ZBTB7C: variants seen among roughly 807,000 people sequenced by gnomAD.
ZBTB7C encodes the protein zinc finger and BTB domain-containing protein 7C.
In ZBTB7C, 8 loss-of-function variants were observed where a neutral mutation model predicts 25.7. The observed-to-expected ratio is 0.31, with a 90% confidence interval of 0.18 to 0.56. ZBTB7C has a LOEUF of 0.56. Ranked by LOEUF, ZBTB7C falls within the 20% of genes least tolerant of loss-of-function variation. The probability of loss-of-function intolerance (pLI) is 0.91; values close to 1 mark genes in which losing one functional copy is unlikely to be tolerated. For synonymous variants in ZBTB7C, 394 were observed against 369.0 expected, an observed-to-expected ratio of 1.07 and a Z score of -0.78; for missense variants, 824 against 855.2, an observed-to-expected ratio of 0.96 and a Z score of 0.46.
intron 3 of ZBTB7C, among the ~76,000 whole-genome samples, chr18:48,051,893 TTTAA>T (rs1312148334): frequency 1.3e-5 from 2 of 152,148 alleles, no homozygotes; most frequent in Non-Finnish European, 2.9e-5. Flanking sequence ...GCTGTTGTTC[TTTAA>T]TTATTTTTTC....
intron 2 of ZBTB7C, among the ~76,000 whole-genome samples, chr18:48,197,242 AT>A (rs1319961660): frequency 0.23 from 934 of 4,062 alleles, 15 homozygotes; most frequent in Admixed American, 0.41. Flanking sequence ...GCTCCTGAAG[AT>A]CATCCTGCCT....
intron 3 of ZBTB7C, chr18:48,149,802 CTTCT>C (rs1415808536): frequency 4.8e-5 from 6 of 124,352 alleles, no homozygotes; most frequent in African/African-American, 1.4e-4. Context: ...TCTTCTTCTT[CTTCT>C]TTTTTTTTTT....
intron 3 of ZBTB7C, among the ~76,000 whole-genome samples, chr18:48,065,474 A>C (rs2037294400): frequency 6.6e-6 from 1 of 152,242 alleles, no homozygotes; most frequent in Non-Finnish European, 1.5e-5. Flanking sequence ...ATCCTGCAGA[A>C]CTGGTGTGAC....
intron 2 of ZBTB7C, among the ~76,000 whole-genome samples, chr18:48,229,492 C>G (rs372091404): frequency 3.9e-5 from 6 of 152,232 alleles, no homozygotes; most frequent in African/African-American, 1.2e-4. Context: ...ATCCCCATTT[C>G]CTTTAATACT....
At chr18:48,280,848 C>CTTTT (rs55760047) in intron 2 of ZBTB7C, among the ~76,000 whole-genome samples, 14 of 79,914 alleles carry the variant, frequency 1.8e-4, no homozygotes, top group African/African-American at 4.3e-4. Context: ...TTTTCTCTCT[C>CTTTT]TTTTTTTTTT....
intron 3 of ZBTB7C, among the ~76,000 whole-genome samples, chr18:48,172,162 G>A (rs1204769145): frequency 6.6e-6 from 1 of 152,214 alleles, no homozygotes; most frequent in African/African-American, 2.4e-5. Context: ...TTTGAGAAAG[G>A]TATCTGGGAA....
chr18:48,077,529 T>C (rs1217468371), intron 3 of ZBTB7C, among the ~76,000 whole-genome samples: 1 of 152,188 alleles, frequency 6.6e-6, no homozygotes, highest in Non-Finnish European at 1.5e-5. Context: ...GTACAGGGCC[T>C]GGCATGGAGC....
At chr18:48,408,719 G>T (rs1237623026) in intron 1 of ZBTB7C, 1 of 152,114 alleles carries the variant, frequency 6.6e-6, no homozygotes. Context: ...GCAGAAGTGC[G>T]GTAAAACTTT....
chr18:48,334,248 C>T (rs78101635), intron 2 of ZBTB7C, among the ~76,000 whole-genome samples: 3 of 152,148 alleles, frequency 2.0e-5, no homozygotes, highest in Non-Finnish European at 4.4e-5. Flanking sequence ...GTCAGGGAAA[C>T]CTACTGCTGC....
At chr18:48,195,318 C>A (rs1452242606) in intron 2 of ZBTB7C, among the ~76,000 whole-genome samples, 2 of 152,120 alleles carry the variant, frequency 1.3e-5, no homozygotes, top group Admixed American at 6.5e-5. Context: ...ATAATCCCCA[C>A]GTGTTGTGGG....
chr18:48,173,962 T>A (rs2041585037), intron 3 of ZBTB7C, among the ~76,000 whole-genome samples: 1 of 152,364 alleles, frequency 6.6e-6, no homozygotes, highest in South Asian at 2.1e-4. Flanking sequence ...TCTGCCCTCC[T>A]TCATCCTCCA....
intron 2 of ZBTB7C, among the ~76,000 whole-genome samples, chr18:48,297,321 T>C (rs112517803): frequency 4.1e-4 from 63 of 152,320 alleles, no homozygotes; most frequent in African/African-American, 1.5e-3. Context: ...CATATCTTAG[T>C]AGTATGCTGT....
intron 3 of ZBTB7C, among the ~76,000 whole-genome samples, chr18:48,178,046 G>GCCCAGCCCCTCCCTCTCCTTT (rs2041744248): frequency 6.6e-6 from 1 of 150,578 alleles, no homozygotes; most frequent in African/African-American, 2.5e-5. Flanking sequence ...CCCTCTCCTT[G>GCCCAGCCCCTCCCTCTCCTTT]CCCCTTTAGT....
intron 2 of ZBTB7C, among the ~76,000 whole-genome samples, chr18:48,248,450 T>C (rs2043757669): frequency 6.6e-6 from 1 of 152,162 alleles, no homozygotes; most frequent in Admixed American, 6.5e-5. Context: ...ATGATACCTT[T>C]TGATACTGGC....
chr18:48,047,364 T>A (rs1158341351), intron 3 of ZBTB7C, among the ~76,000 whole-genome samples: 1 of 150,830 alleles, frequency 6.6e-6, no homozygotes, highest in Admixed American at 6.6e-5. Context: ...CAGACACACA[T>A]GAGAAACAAA....
intron 2 of ZBTB7C, among the ~76,000 whole-genome samples, chr18:48,258,644 C>A (rs1228404853): frequency 6.6e-6 from 1 of 152,098 alleles, no homozygotes. Context: ...AATGCAATCC[C>A]AATCAAAATC....
Position 48,206,855 on chromosome 18 carries a change from T to C in ZBTB7C, c.-78-20860A>G, listed in dbSNP as rs73433326. Among the ~76,000 whole-genome samples the C allele has an allele frequency of 3.0e-3, 463 of 152,196 alleles. 1 individual carries two copies. Among genetic ancestry groups the C allele is most frequent in the African/African-American group, 0.011 (454 of 41,526 alleles). ...AAAGCACTGACCAGAAAGGAAAAGA[T>C]TGATAAATGGAAATTTGTCAAAATT... On this transcript the variant is annotated intron_variant, in intron 2 of 4. Transcript: ENST00000590800.
At chr18:48,214,906 G>C (rs1440294284) in intron 2 of ZBTB7C, among the ~76,000 whole-genome samples, 1 of 152,198 alleles carries the variant, frequency 6.6e-6, no homozygotes, top group African/African-American at 2.4e-5. Context: ...GGTGTACAAG[G>C]ATCTGTTTGA....
At chr18:48,246,025 T>C (rs1417262510) in intron 2 of ZBTB7C, among the ~76,000 whole-genome samples, 1 of 152,172 alleles carries the variant, frequency 6.6e-6, no homozygotes, top group African/African-American at 2.4e-5. Flanking sequence ...ATTTTCACTA[T>C]AATATACTGT....
Sources: gnomAD v4.1 joint callset for allele counts (sites outside exome capture counted in the v4.1 genomes callset) on GRCh38, gnomAD v4.1.1 for gene constraint, MANE v1.5 for transcripts, NCBI Gene and HGNC (gene_info 2026-07-23, HGNC 2026-07-21) for gene names.